The following CCSER1 variants were observed in gnomAD, a reference collection of about 807,000 sequenced individuals.
CCSER1 encodes the protein coiled-coil serine rich protein 1, also known as serine-rich coiled-coil domain-containing protein 1.
A neutral mutation model predicts 82.0 loss-of-function variants in CCSER1; 41 were observed. The observed-to-expected ratio is 0.50, with a 90% CI of 0.39 to 0.65. The LOEUF (loss-of-function observed/expected upper bound fraction) is 0.65. Ranked by LOEUF, CCSER1 falls within the 30% of genes least tolerant of loss-of-function variation. CCSER1 has a pLI of 0.00. For synonymous variants in CCSER1, 414 were observed against 383.9 expected, an observed-to-expected ratio of 1.08 and a Z score of -0.92; for missense variants, 1,119 against 1,064.2, an observed-to-expected ratio of 1.05 and a Z score of -0.72.
intron 1 of CCSER1, among the ~76,000 whole-genome samples, chr4:90,155,013 G>C (rs1727769299): frequency 6.6e-6 from 1 of 152,092 alleles, no homozygotes; most frequent in Non-Finnish European, 1.5e-5. Flanking sequence ...ATTGGCTGTG[G>C]GTTTGTCATA....
intron 10 of CCSER1, among the ~76,000 whole-genome samples, chr4:91,209,025 G>C (rs531604079): frequency 3.3e-5 from 5 of 151,946 alleles, no homozygotes; most frequent in African/African-American, 4.8e-5. Flanking sequence ...GGTGCTGTTA[G>C]TGTATAGGAA....
chr4:91,010,836 T>C (rs960301371), intron 9 of CCSER1, among the ~76,000 whole-genome samples: 1 of 134,844 alleles, frequency 7.4e-6, no homozygotes, highest in African/African-American at 2.5e-5. Flanking sequence ...TTCATTAAAT[T>C]GTTTATCTGT....
intron 5 of CCSER1, among the ~76,000 whole-genome samples, chr4:90,538,347 A>G (rs1245935924): frequency 3.9e-5 from 6 of 152,050 alleles, no homozygotes; most frequent in Non-Finnish European, 7.4e-5. Context: ...TTTAATTTAC[A>G]TAGTATTTAA....
At chr4:90,647,465 G>A (rs1043388340) in intron 6 of CCSER1, among the ~76,000 whole-genome samples, 2 of 152,070 alleles carry the variant, frequency 1.3e-5, no homozygotes, top group Non-Finnish European at 2.9e-5. Context: ...TCTTAGAAAT[G>A]TTCTTTATAC....
chr4:91,547,662 G>A (rs185138890), intron 10 of CCSER1, among the ~76,000 whole-genome samples: 3 of 152,158 alleles, frequency 2.0e-5, no homozygotes, highest in Non-Finnish European at 2.9e-5. Context: ...ATATTTCTAC[G>A]ATTGAATTTT....
intron 10 of CCSER1, among the ~76,000 whole-genome samples, chr4:91,307,382 G>C (rs963042818): frequency 1.3e-5 from 2 of 151,494 alleles, no homozygotes; most frequent in East Asian, 1.9e-4. Flanking sequence ...TTAGTCCCTA[G>C]AGAATTATTT....
chr4:90,192,507 C>A (rs1006349316), intron 1 of CCSER1, among the ~76,000 whole-genome samples: 3 of 152,014 alleles, frequency 2.0e-5, no homozygotes, highest in Non-Finnish European at 4.4e-5. Flanking sequence ...CCACAAAGTC[C>A]TGGATTTGCG....
chr4:91,576,216 T>C (rs927003843), intron 10 of CCSER1, among the ~76,000 whole-genome samples: 2 of 152,026 alleles, frequency 1.3e-5, no homozygotes, highest in Non-Finnish European at 2.9e-5. Context: ...ATAACTTTAT[T>C]CAGCCTTTAA....
chr4:90,584,856 TA>T (rs1247736122), intron 5 of CCSER1, among the ~76,000 whole-genome samples: 1 of 152,234 alleles, frequency 6.6e-6, no homozygotes, highest in Non-Finnish European at 1.5e-5. Flanking sequence ...ATCTTTTTTT[TA>T]AAAAAAGCAC....
At chr4:90,390,170 T>C (rs959300536) in intron 3 of CCSER1, among the ~76,000 whole-genome samples, 1 of 152,218 alleles carries the variant, frequency 6.6e-6, no homozygotes, top group Non-Finnish European at 1.5e-5. Context: ...GTAGAGATAA[T>C]GTAGGCATTT....
intron 10 of CCSER1, among the ~76,000 whole-genome samples, chr4:91,335,829 A>G (rs1037072238): frequency 6.6e-6 from 1 of 151,908 alleles, no homozygotes; most frequent in Non-Finnish European, 1.5e-5. Flanking sequence ...AGTTAGAGAC[A>G]AAAAAAATTG....
chr4:90,627,902 TATC>T, intron 5 of CCSER1, 120 bp from the exon 6 acceptor site: 1 of 712,920 alleles, frequency 1.4e-6, no homozygotes, highest in East Asian at 2.7e-5. Context: ...AATAAACTAA[TATC>T]ATGAAATGAG....
At chr4:90,689,902 T>C (rs2149223178) in intron 6 of CCSER1, among the ~76,000 whole-genome samples, 1 of 152,212 alleles carries the variant, frequency 6.6e-6, no homozygotes, top group East Asian at 1.9e-4. Flanking sequence ...GTTTTGGATG[T>C]GTGGTTAGTG....
intron 5 of CCSER1, among the ~76,000 whole-genome samples, chr4:90,594,570 G>C (rs192395378): frequency 6.6e-6 from 1 of 152,162 alleles, no homozygotes; most frequent in African/African-American, 2.4e-5. Flanking sequence ...ATTTTGGATG[G>C]AAGGCATGAG....
At chr4:90,128,502 T>TGTGTGTGTGTGTGC (rs1306549958) in intron 1 of CCSER1, among the ~76,000 whole-genome samples, 1 of 151,306 alleles carries the variant, frequency 6.6e-6, no homozygotes, top group East Asian at 1.9e-4. Context: ...TGCGTGTGTG[T>TGTGTGTGTGTGTGC]GTGTGTGTGT....
At chr4:91,341,916 T>C (rs959135012) in intron 10 of CCSER1, among the ~76,000 whole-genome samples, 13 of 152,350 alleles carry the variant, frequency 8.5e-5, no homozygotes, top group African/African-American at 2.4e-4. Flanking sequence ...TTTGGCATTA[T>C]GTATTTTACA....
intron 10 of CCSER1, among the ~76,000 whole-genome samples, chr4:91,545,430 G>T (rs1204471351): frequency 1.3e-5 from 2 of 152,072 alleles, no homozygotes; most frequent in Admixed American, 6.6e-5. Context: ...TAGACTGGAG[G>T]TGTTCCTATT....
chr4:90,366,883 C>T (rs576079715), intron 3 of CCSER1, among the ~76,000 whole-genome samples: 75 of 151,730 alleles, frequency 4.9e-4, no homozygotes, highest in Non-Finnish European at 8.9e-4. Context: ...TCATAGAATT[C>T]CCTTAGTACG....
chr4:90,648,213 T>C (rs1727948777), intron 6 of CCSER1, among the ~76,000 whole-genome samples: 1 of 146,664 alleles, frequency 6.8e-6, no homozygotes. Flanking sequence ...AGTCTCTGAG[T>C]CTACAAAAAG....
Sources: allele counts gnomAD v4.1 joint callset (sites outside exome capture counted in the v4.1 genomes callset), GRCh38; gene constraint gnomAD v4.1.1; transcripts MANE v1.5; gene names NCBI Gene and HGNC (gene_info 2026-07-23, HGNC 2026-07-21).